EVC: variants seen among roughly 807,000 people sequenced by gnomAD.
EVC encodes the protein EvC ciliary complex subunit 1, also known as evC complex member EVC.
Under a neutral mutation model 118.9 loss-of-function variants are expected in EVC, and 116 were observed. The ratio of observed to expected loss-of-function variants is 0.98; its 90% CI spans 0.84 to 1.14. The LOEUF (loss-of-function observed/expected upper bound fraction) is 1.14, where lower values mean the gene tolerates loss of function less well. Ranked by LOEUF, EVC falls within the 50% of genes most tolerant of loss-of-function variation. The pLI is 0.00. For synonymous variants in EVC, 619 were observed against 534.7 expected, an observed-to-expected ratio of 1.16 and a Z score of -2.18; for missense variants, 1,401 against 1,246.4, an observed-to-expected ratio of 1.12 and a Z score of -1.87.
At chr4:5,740,996 T>C (rs1023360913) in intron 5 of EVC, among the ~76,000 whole-genome samples, 2 of 152,326 alleles carry the variant, frequency 1.3e-5, no homozygotes, top group African/African-American at 4.8e-5. Context: ...GATGGAAATA[T>C]AAAATGGTAC....
At chr4:5,744,262 A>G (rs551804125) in intron 6 of EVC, among the ~76,000 whole-genome samples, 2 of 152,290 alleles carry the variant, frequency 1.3e-5, no homozygotes, top group South Asian at 4.1e-4. Context: ...TCACCTGGAA[A>G]TGGGTCATAA....
downstream of EVC, among the ~76,000 whole-genome samples, chr4:5,816,355 CAG>C (rs1717677097): frequency 6.6e-6 from 1 of 152,190 alleles, no homozygotes; most frequent in African/African-American, 2.4e-5. Context: ...CTGCCGTGCT[CAG>C]AAATCCTTCC....
rs138008511 is a variant in EVC at position 5,713,905 on chromosome 4, AAAAT to A, written c.174+2367_174+2370del. 4.1e-3 allele frequency among the ~76,000 whole-genome samples: 624 copies of A among 152,104 alleles called. 2 individuals carry two copies. Among genetic ancestry groups the A allele is most frequent in the African/African-American group, 0.014 (597 of 41,540 alleles). ...GCAACAAGAATGAAACTCCATCTAA[AAAAT>A]AAATAAATAAATAAAGATAATGCCC... On this transcript the variant is annotated intron_variant, in intron 1 of 20. Transcript: ENST00000264956.
At chr4:5,816,327 C>A (rs1717672627), downstream of EVC, among the ~76,000 whole-genome samples, 1 of 152,166 alleles carries the variant, frequency 6.6e-6, no homozygotes, top group African/African-American at 2.4e-5. Context: ...CAAAAACGAC[C>A]AACATCCTTG....
chr4:5,743,710 A>T lies in EVC; in HGVS notation c.802-1494A>T, dbSNP rs967203858. On this transcript the variant is annotated intron_variant, in intron 6 of 20. Transcript: ENST00000264956. The surrounding 1 kb of genome is among the most constrained non-coding windows in gnomAD (Gnocchi z 4.7). ...AAGGAGGAAGGACATCATCATCTTC[A>T]CTGTCATCCTCAGTATCACCACCAT... Among the ~76,000 whole-genome samples the T allele has an allele frequency of 6.6e-6, 1 of 152,142 alleles. No homozygotes were observed. Among genetic ancestry groups the T allele is most frequent in the Non-Finnish European group, 1.5e-5 (1 of 68,028 alleles).
intron 5 of EVC, among the ~76,000 whole-genome samples, chr4:5,733,740 A>G (rs920619993): frequency 6.6e-6 from 1 of 152,208 alleles, no homozygotes; most frequent in Non-Finnish European, 1.5e-5. Flanking sequence ...TTAAAAGAGA[A>G]CAATATGTTT....
rs1423018590 is a variant in EVC, at chr4:5,719,207, G to A, written c.175-41G>A. The stretch of plus-strand genomic sequence containing the variant: ...GACCAGGCCGACTGACCTCAATGTT[G>A]TGTTTCTATCCACCCCCAACTCCTG... On this transcript the variant is annotated intron_variant, in intron 1 of 20. Coordinates refer to ENST00000264956, the MANE Select transcript of EVC (RefSeq NM_153717.3). The surrounding 1 kb of genome is among the most constrained non-coding windows in gnomAD (Gnocchi z 4.7). 2 of 1,613,654 alleles carry A rather than the reference G, an allele frequency of 1.2e-6. No homozygotes were observed. Among genetic ancestry groups the A allele is most frequent in the African/African-American group, 1.3e-5 (1 of 74,918 alleles).
At chr4:5,741,549 C>T (rs192456140) in intron 5 of EVC, among the ~76,000 whole-genome samples, 167 bp from the exon 6 acceptor site, 24 of 152,084 alleles carry the variant, frequency 1.6e-4, no homozygotes, top group Admixed American at 5.2e-4. Flanking sequence ...GATTTATAAT[C>T]GGAGTTCCTT....
At chr4:5,787,147 G>A (rs78689021) in intron 12 of EVC, among the ~76,000 whole-genome samples, 9 of 152,278 alleles carry the variant, frequency 5.9e-5, no homozygotes, top group South Asian at 2.1e-4. Context: ...GAATTACCCC[G>A]TTAGAACAGG....
intron 12 of EVC, among the ~76,000 whole-genome samples, chr4:5,786,687 C>T (rs901249663): frequency 6.6e-6 from 1 of 152,142 alleles, no homozygotes; most frequent in Non-Finnish European, 1.5e-5. Context: ...TCCTGGCTAA[C>T]ATGGTGAAAC....
At chr4:5,722,835 A>G (rs576584565) in intron 2 of EVC, among the ~76,000 whole-genome samples, 102 of 152,360 alleles carry the variant, frequency 6.7e-4, no homozygotes, top group African/African-American at 2.2e-3. Context: ...TTTCGCTGCA[A>G]CCAATTTTCT....
At chr4:5,815,917 T>TAG (rs1717601460), downstream of EVC, among the ~76,000 whole-genome samples, 1 of 151,690 alleles carries the variant, frequency 6.6e-6, no homozygotes, top group Non-Finnish European at 1.5e-5. Flanking sequence ...GCAACTGGTT[T>TAG]GGAAGGAAGG....
chr4:5,717,906 A>G lies in EVC; in HGVS notation c.175-1342A>G, dbSNP rs146307474. 1.2e-4 allele frequency among the ~76,000 whole-genome samples: 19 copies of G among 152,320 alleles called. No homozygotes were observed. In the South Asian group the frequency reaches 2.1e-3, roughly 17 times the overall value. On this transcript the variant is annotated intron_variant, in intron 1 of 20. Transcript: ENST00000264956. ...TTTGCCTCTTTCTTCTCTCACTGCAATGTCAATGCCACAAAAGCAGAGGCT... is the reference window on the plus strand; with the variant it reads ...TTTGCCTCTTTCTTCTCTCACTGCAGTGTCAATGCCACAAAAGCAGAGGCT...
chr4:5,744,437 C>T (rs1729054118), intron 6 of EVC, among the ~76,000 whole-genome samples: 1 of 152,158 alleles, frequency 6.6e-6, no homozygotes, highest in South Asian at 2.1e-4. Context: ...CTGCCTCCCA[C>T]ACACTATCTT....
rs1250304907 is a variant in EVC, at chr4:5,711,410, C to T, written c.30C>T (p.Ser10=). The T allele has an allele frequency of 2.9e-6, 3 of 1,022,044 alleles. No individual in the cohort carries two copies. Among genetic ancestry groups the T allele is most frequent in the Admixed American group, 5.7e-5 (1 of 17,462 alleles). 63.3% of individuals were successfully genotyped at this position (1,022,044 alleles called of 1,614,324 possible). The change falls in exon 1 of 21, where the codon AGC becomes AGT. Residue 10 remains serine (S), a synonymous_variant. Transcript: ENST00000264956. The part of the protein sequence containing the change: MARGGAACK[S]DARLLLGRDA... ...CCCGCGGCGGGGCGGCCTGCAAGAG[C>T]GACGCGCGGCTGCTGCTGGGGCGGG...
chr4:5,823,133 T>C, the EVC span, among the ~76,000 whole-genome samples: 1 of 152,192 alleles, frequency 6.6e-6, no homozygotes, highest in Non-Finnish European at 1.5e-5. Context: ...TGCCTTGAAT[T>C]TGGGCAATTT....
intron 8 of EVC, 24 bp downstream of exon 8, chr4:5,748,330 G>A (rs1258794389): frequency 1.9e-6 from 3 of 1,613,062 alleles, no homozygotes; most frequent in African/African-American, 1.3e-5. Context: ...GGGCGGGAGG[G>A]AACATAAAGA....
chr4:5,771,711 C>T (rs919193250), intron 11 of EVC, among the ~76,000 whole-genome samples: 10 of 152,156 alleles, frequency 6.6e-5, no homozygotes, highest in Admixed American at 1.3e-4. Context: ...CAGACCTCCC[C>T]GTCGCCGGGA....
chr4:5,778,998 A>T (rs1306261467), intron 11 of EVC, among the ~76,000 whole-genome samples: 4 of 152,176 alleles, frequency 2.6e-5, no homozygotes, highest in Non-Finnish European at 2.9e-5. Flanking sequence ...TCTTTAATCC[A>T]TCTTGAATTG....
Sources: gnomAD v4.1 joint callset for allele counts (sites outside exome capture counted in the v4.1 genomes callset) on GRCh38, gnomAD v4.1.1 for gene constraint, Gnocchi (gnomAD v3.1) non-coding constraint, MANE v1.5 for transcripts, NCBI Gene and HGNC (gene_info 2026-07-23, HGNC 2026-07-21) for gene names.